The following RSPO2 variants were observed in gnomAD, a reference collection of about 807,000 sequenced individuals.
RSPO2 encodes the protein R-spondin-2.
Under a neutral mutation model 30.9 loss-of-function variants are expected in RSPO2, and 14 were observed. The observed-to-expected ratio is 0.45, with a 90% CI of 0.30 to 0.71. RSPO2 has a LOEUF of 0.71. Ranked by LOEUF, RSPO2 falls within the 30% of genes least tolerant of loss-of-function variation. The pLI is 0.08. For synonymous variants in RSPO2, 107 were observed against 96.4 expected, an observed-to-expected ratio of 1.11 and a Z score of -0.64; for missense variants, 264 against 301.9, an observed-to-expected ratio of 0.87 and a Z score of 0.93.
At chr8:108,036,033 T>C (rs1186254068) in intron 2 of RSPO2, among the ~76,000 whole-genome samples, 1 of 152,188 alleles carries the variant, frequency 6.6e-6, no homozygotes, top group East Asian at 1.9e-4. Flanking sequence ...GACAGCAACT[T>C]TTCAGTTTGT....
chr8:107,921,918 A>C (rs1563521574), intron 5 of RSPO2, among the ~76,000 whole-genome samples: 1 of 151,590 alleles, frequency 6.6e-6, no homozygotes, highest in Non-Finnish European at 1.5e-5. Flanking sequence ...CACAATAAAA[A>C]CTCAATAAAG....
At chr8:108,043,818 G>A (rs999613822) in intron 2 of RSPO2, among the ~76,000 whole-genome samples, 1 of 152,022 alleles carries the variant, frequency 6.6e-6, no homozygotes, top group Non-Finnish European at 1.5e-5. Flanking sequence ...GTCTCTGGGA[G>A]GCAAGAACAG....
intron 2 of RSPO2, among the ~76,000 whole-genome samples, chr8:108,013,017 C>T (rs1810757279): frequency 6.6e-6 from 1 of 152,164 alleles, no homozygotes; most frequent in Non-Finnish European, 1.5e-5. Flanking sequence ...AAGGGATATG[C>T]TGTGGAAAGA....
chr8:107,933,623 C>T (rs1812620708), intron 5 of RSPO2, among the ~76,000 whole-genome samples: 1 of 152,132 alleles, frequency 6.6e-6, no homozygotes, highest in Non-Finnish European at 1.5e-5. Context: ...TTTCTTAAAG[C>T]AATTTTTCAA....
At chr8:107,951,322 G>T (rs1440974075) in intron 5 of RSPO2, among the ~76,000 whole-genome samples, 1 of 152,038 alleles carries the variant, frequency 6.6e-6, no homozygotes, top group Non-Finnish European at 1.5e-5. Context: ...GTAATGCTGG[G>T]ATTACAGGTG....
chr8:107,905,704 A>G (rs1197980273), intron 5 of RSPO2, among the ~76,000 whole-genome samples: 1 of 152,004 alleles, frequency 6.6e-6, no homozygotes, highest in Non-Finnish European at 1.5e-5. Flanking sequence ...CTCTGGAAGC[A>G]GAACATGAAA....
chr8:107,925,452 C>T (rs1024577061), intron 5 of RSPO2, among the ~76,000 whole-genome samples: 6 of 151,608 alleles, frequency 4.0e-5, no homozygotes, highest in African/African-American at 1.5e-4. Flanking sequence ...ATGTGCACAA[C>T]GTGCAGGTTT....
chr8:108,015,774 C>G (rs2443784), intron 2 of RSPO2, among the ~76,000 whole-genome samples: 117,667 of 152,070 alleles, frequency 0.77, 46,786 homozygotes, highest in African/African-American at 0.94. Flanking sequence ...ATTTGAAATC[C>G]AGCCCAGTTC....
At chr8:108,034,882 AC>A (rs1811542513) in intron 2 of RSPO2, among the ~76,000 whole-genome samples, 1 of 152,196 alleles carries the variant, frequency 6.6e-6, no homozygotes, top group South Asian at 2.1e-4. Flanking sequence ...GCACTCCTAC[AC>A]AGAAGCTAAG....
chr8:107,978,843 A>T (rs1469551387), intron 3 of RSPO2, among the ~76,000 whole-genome samples: 1 of 152,362 alleles, frequency 6.6e-6, no homozygotes, highest in East Asian at 1.9e-4. Context: ...AGAAAAAAAC[A>T]AACAACCCCA....
chr8:108,059,185 C>T (rs1168841799), intron 2 of RSPO2, among the ~76,000 whole-genome samples: 16 of 151,384 alleles, frequency 1.1e-4, no homozygotes, highest in East Asian at 1.9e-4. Flanking sequence ...AAAAAGTGGG[C>T]GAAGGACATG....
Position 108,034,354 on chromosome 8 carries a change from G to A in RSPO2, c.95-45110C>T, listed in dbSNP as rs552904982. On this transcript the variant is annotated intron_variant, in intron 2 of 5. Transcript: ENST00000276659. ...GGAATAGTCTGAGAAATTTGGTTAC[G>A]GTGGGTATTCAGTGACCCTGAGGAA... is the stretch of plus-strand genomic sequence containing the variant. 2.4e-3 allele frequency among the ~76,000 whole-genome samples: 360 copies of A among 152,198 alleles called. 2 individuals carry two copies. Among genetic ancestry groups the A allele is most frequent in the Middle Eastern group, 0.01 (3 of 294 alleles).
intron 2 of RSPO2, among the ~76,000 whole-genome samples, chr8:108,024,830 C>G (rs936317898): frequency 6.6e-6 from 1 of 152,042 alleles, no homozygotes; most frequent in African/African-American, 2.4e-5. Flanking sequence ...GACCAGCTTG[C>G]GTGACATGGA....
rs1175401151 is a variant in RSPO2, at chr8:108,053,841, T to C, written c.94+28704A>G. On this transcript the variant is annotated intron_variant, in intron 2 of 5. Coordinates refer to ENST00000276659, the MANE Select transcript of RSPO2 (RefSeq NM_178565.5). ...AACGTAAGAACCACTTTATATACAG[T>C]GAATACCATATACTTAAGAGTTAGC... is the stretch of plus-strand genomic sequence containing the variant. 3.3e-5 allele frequency among the ~76,000 whole-genome samples: 5 copies of C among 152,126 alleles called. No homozygotes were observed. The East Asian group carries it at 9.6e-4, about 29-fold the overall frequency.
chr8:107,934,392 G>C (rs1218858779), intron 5 of RSPO2, among the ~76,000 whole-genome samples: 1 of 141,532 alleles, frequency 7.1e-6, no homozygotes, highest in South Asian at 2.2e-4. Context: ...TTTTTTATTA[G>C]ACAGAGTTTC....
chr8:108,005,341 CTG>C (rs1259699972), intron 2 of RSPO2, among the ~76,000 whole-genome samples: 1 of 152,068 alleles, frequency 6.6e-6, no homozygotes, highest in African/African-American at 2.4e-5. Flanking sequence ...CATAGTAAAA[CTG>C]TATAAATATC....
intron 2 of RSPO2, among the ~76,000 whole-genome samples, chr8:108,057,471 A>T (rs1186507501): frequency 5.5e-5 from 8 of 144,606 alleles, no homozygotes; most frequent in Middle Eastern, 6.9e-3. Context: ...AAGTGGCTAT[A>T]AAAAAAATCA....
chr8:108,071,826 A>C (rs560519881), intron 2 of RSPO2, among the ~76,000 whole-genome samples: 23 of 152,266 alleles, frequency 1.5e-4, no homozygotes, highest in African/African-American at 4.3e-4. Flanking sequence ...TCTTCCACCT[A>C]CTAGAACTAC....
At chr8:107,924,822 G>GCA (rs59249399) in intron 5 of RSPO2, among the ~76,000 whole-genome samples, 7,051 of 148,350 alleles carry the variant, frequency 0.048, 208 homozygotes, top group African/African-American at 0.084. Context: ...CACCTAACAT[G>GCA]CACACACACA....
Sources: allele counts gnomAD v4.1 joint callset (sites outside exome capture counted in the v4.1 genomes callset), GRCh38; gene constraint gnomAD v4.1.1; transcripts MANE v1.5; gene names NCBI Gene and HGNC (gene_info 2026-07-23, HGNC 2026-07-21).